Variants in TMEM255A observed in about 807,000 individuals in gnomAD.
TMEM255A encodes the protein transmembrane protein 255A, also known as family with sequence similarity 70, member A.
A neutral mutation model predicts 23.5 loss-of-function variants in TMEM255A; 14 were observed. That is an observed-to-expected ratio of 0.60 (90% confidence interval 0.39 to 0.93). The LOEUF (loss-of-function observed/expected upper bound fraction) is 0.93, where lower values mean the gene tolerates loss of function less well. TMEM255A is among the 40% of genes least tolerant of loss of function. The pLI, the probability that TMEM255A is intolerant of heterozygous loss-of-function variation, is 0.00. For synonymous variants in TMEM255A, 104 were observed against 100.3 expected (o/e 1.04, Z -0.22); for missense variants, 233 against 261.7 (o/e 0.89, Z 0.76).
At chrX:120,277,543 A>G (rs782354116) in intron 6 of TMEM255A, among the ~76,000 whole-genome samples, 78 of 111,215 alleles carry the variant, frequency 7.0e-4, no homozygotes, top group Non-Finnish European at 1.3e-3. Flanking sequence ...GTTACAGAAC[A>G]TTTCCATCAT....
rs782689159 is a variant in TMEM255A at position 120,291,383 on chromosome X, A to T, written c.265-43T>A. 9 of 1,077,233 alleles carry T rather than the reference A, an allele frequency of 8.4e-6. No individual in the cohort carries two copies. The East Asian group carries it at 2.5e-4, about 30-fold the overall frequency. 88.8% of individuals were successfully genotyped at this position (1,077,233 alleles called of 1,213,427 possible). A position where few individuals can be genotyped will look rare whatever the true frequency, so the allele number is the denominator to read the frequency against. ...ACAAAAGCGTCTGTTAGCCTTTCGCACTTGCTGCCTCTGGGGACCAGGCAA... is the reference window on the plus strand; with the variant it reads ...ACAAAAGCGTCTGTTAGCCTTTCGCTCTTGCTGCCTCTGGGGACCAGGCAA... On this transcript the variant is annotated intron_variant, in intron 3 of 8. Coordinates refer to ENST00000371369, the MANE Select transcript of TMEM255A (RefSeq NM_001104544.3).
intron 6 of TMEM255A, among the ~76,000 whole-genome samples, chrX:120,277,563 T>C (rs1232317730): frequency 9.0e-6 from 1 of 111,329 alleles, no homozygotes; most frequent in Admixed American, 9.5e-5. Flanking sequence ...TTGCAGAAAG[T>C]TCTGCAAATC....
At chrX:120,255,491 G>T, downstream of TMEM255A, 1 of 963,386 alleles carries the variant, frequency 1.0e-6, no homozygotes, top group Non-Finnish European at 1.4e-6. Flanking sequence ...GGTTTCAGAA[G>T]ATCTGTAAAA....
chrX:120,265,534 C>T (rs977609615), intron 8 of TMEM255A, among the ~76,000 whole-genome samples: 27 of 111,714 alleles, frequency 2.4e-4, no homozygotes, highest in Non-Finnish European at 3.6e-4. Context: ...TATAAATATC[C>T]AGTAGAAAGT....
intron 1 of TMEM255A, among the ~76,000 whole-genome samples, chrX:120,307,142 C>T (rs1556027275): frequency 8.9e-6 from 1 of 112,248 alleles, no homozygotes; most frequent in African/African-American, 3.2e-5. Context: ...AAAACCCCCT[C>T]CCAGGGTGAC....
At chrX:120,285,896 T>C in intron 5 of TMEM255A, 1 of 1,187,336 alleles carries the variant, frequency 8.4e-7, no homozygotes, top group Non-Finnish European at 1.1e-6. Context: ...CCATCTCTTG[T>C]TAGCAAGAAA....
chrX:120,261,110 G>A (rs782421853), intron 8 of TMEM255A, 82 bp from the exon 9 acceptor site: 3 of 1,085,130 alleles, frequency 2.8e-6, no homozygotes, highest in Non-Finnish European at 3.6e-6. Context: ...AAATGAATAT[G>A]GGCCAAAGCT....
chrX:120,263,504 C>T (rs1556016988), intron 8 of TMEM255A, among the ~76,000 whole-genome samples: 1 of 111,522 alleles, frequency 9.0e-6, no homozygotes, highest in African/African-American at 3.3e-5. Flanking sequence ...ATGGCTGACC[C>T]ACACCCTTCA....
chrX:120,310,735 C>T (rs1425738763), intron 1 of TMEM255A, among the ~76,000 whole-genome samples: 1 of 71,617 alleles, frequency 1.4e-5, no homozygotes, highest in Non-Finnish European at 2.7e-5. Flanking sequence ...ACCCGCCCCC[C>T]CCCCCCAATC....
chrX:120,285,661 C>T (rs782039116), intron 5 of TMEM255A: 5 of 1,210,834 alleles, frequency 4.1e-6, no homozygotes, highest in Non-Finnish European at 5.6e-6. Context: ...TCATAACCCT[C>T]GTGGAAGGAG....
downstream of TMEM255A, chrX:120,254,734 A>G: frequency 8.3e-7 from 1 of 1,211,534 alleles, no homozygotes; most frequent in Non-Finnish European, 1.1e-6. Flanking sequence ...ATCGGTGAAG[A>G]TACTTATGAT....
intron 8 of TMEM255A, among the ~76,000 whole-genome samples, chrX:120,264,007 G>A (rs782426281): frequency 9.0e-5 from 10 of 111,605 alleles, no homozygotes; most frequent in Non-Finnish European, 1.3e-4. Context: ...AGGAAAAATA[G>A]AGGCACTTTT....
chrX:120,285,181 G>A lies in TMEM255A; in HGVS notation c.458C>T (p.Thr153Ile), dbSNP rs1289256006. The A allele has an allele frequency of 1.7e-5, 20 of 1,209,883 alleles. No individual in the cohort carries two copies. The highest frequency in any genetic ancestry group is 2.2e-5 in the Non-Finnish European group (20 of 894,959). The change falls in exon 6 of 9, where the codon ACA becomes ATA. Residue 153 changes from threonine to isoleucine, a missense_variant. Transcript: ENST00000371369. ...GCAGGTGTTGCCCCGGATGCGAGGT[G>A]TGCAGAATTCACGGCTGAGGTGAGG... ...NCPHLSREFC[T>I]PRIRGNTCFC...
downstream of TMEM255A, chrX:120,255,276 A>G (rs868984252): frequency 8.3e-7 from 1 of 1,212,064 alleles, no homozygotes; most frequent in African/African-American, 1.7e-5. Context: ...TAAGGTTGAC[A>G]CTGGAAAAGA....
In TMEM255A at chrX:120,281,260, C is replaced by T. The variant is rs782083553; in HGVS notation, c.512+3867G>A. On this transcript the variant is annotated intron_variant, in intron 6 of 8. Coordinates refer to ENST00000371369, the MANE Select transcript of TMEM255A (RefSeq NM_001104544.3). ...GTGAATGAGTAACTGAGTGCAAAGA[C>T]TAATCACTGTATTGATCATGAGATT... Among the ~76,000 whole-genome samples the T allele has an allele frequency of 2.5e-3, 282 of 112,163 alleles. 1 individual carries two copies. The highest frequency in any genetic ancestry group is 4.4e-3 in the Non-Finnish European group (235 of 53,158).
intron 7 of TMEM255A, among the ~76,000 whole-genome samples, chrX:120,275,694 A>AAAAACC (rs1317771123): frequency 2.7e-5 from 3 of 110,313 alleles, no homozygotes; most frequent in South Asian, 3.9e-4. Flanking sequence ...AGCTTAAAAA[A>AAAAACC]AAAAAACCAA....
intron 1 of TMEM255A, 121 bp from the exon 2 acceptor site, chrX:120,304,612 G>A: frequency 1.4e-6 from 1 of 734,520 alleles, no homozygotes; most frequent in South Asian, 2.7e-5. Flanking sequence ...GTTATCTTTG[G>A]TGGTGACGGG....
At position 120,266,669 on chromosome X, in the gene TMEM255A, G is replaced by C. The variant is rs138446513; in HGVS notation, c.819+1575C>G. The stretch of plus-strand genomic sequence containing the variant: ...TTACTTTGATATAAAAGTAGAGGAG[G>C]CCTCTTGGGCTAGACCCATGTGTGG... On this transcript the variant is annotated intron_variant, in intron 8 of 8. Transcript: ENST00000371369. Among the ~76,000 whole-genome samples the C allele has an allele frequency of 3.1e-3, 352 of 112,498 alleles. 1 individual carries two copies. Among genetic ancestry groups the C allele is most frequent in the African/African-American group, 0.011 (333 of 30,969 alleles).
chrX:120,264,938 C>T (rs782356334), intron 8 of TMEM255A, among the ~76,000 whole-genome samples: 2 of 104,875 alleles, frequency 1.9e-5, no homozygotes, highest in Admixed American at 1.0e-4. Context: ...AGTGCAATGG[C>T]GTGATCTCGG....
Sources: gnomAD v4.1 joint callset for allele counts (sites outside exome capture counted in the v4.1 genomes callset) on GRCh38, gnomAD v4.1.1 for gene constraint, MANE v1.5 for transcripts, NCBI Gene and HGNC (gene_info 2026-07-23, HGNC 2026-07-21) for gene names.